ZNF790: variants seen among roughly 807,000 people sequenced by gnomAD.
ZNF790 encodes the protein zinc finger protein 790.
Under a neutral mutation model 12.1 loss-of-function variants are expected in ZNF790, and 8 were observed. The observed-to-expected ratio is 0.66, with a 90% CI of 0.39 to 1.19. The LOEUF (loss-of-function observed/expected upper bound fraction) is 1.19. ZNF790 is among the 50% of genes most tolerant of loss of function. The pLI, the probability that ZNF790 is intolerant of heterozygous loss-of-function variation, is 0.01. For missense variants in ZNF790, 707 were observed against 752.2 expected, an observed-to-expected ratio of 0.94 and a Z score of 0.70; for synonymous variants, 252 against 244.3, an observed-to-expected ratio of 1.03 and a Z score of -0.29.
chr19:36,828,139 G>A (rs1001720719), intron 1 of ZNF790: 1 of 152,040 alleles, frequency 6.6e-6, no homozygotes. Flanking sequence ...ATTATTACAC[G>A]GTTTTAAGAA....
intron 2 of ZNF790, among the ~76,000 whole-genome samples, chr19:36,824,121 C>T (rs2071742994): frequency 1.3e-5 from 2 of 151,100 alleles, no homozygotes; most frequent in African/African-American, 4.9e-5. Flanking sequence ...CTCAGCCTCC[C>T]AAGTAGCTGG....
chr19:36,820,522 C>G (rs1038411554), intron 4 of ZNF790, among the ~76,000 whole-genome samples: 3 of 152,120 alleles, frequency 2.0e-5, no homozygotes, highest in African/African-American at 7.2e-5. Context: ...TAATCTGATC[C>G]AGAGTTACCA....
chr19:36,850,617 G>T (rs1258406210), upstream of ZNF790: 1 of 152,258 alleles, frequency 6.6e-6, no homozygotes, highest in East Asian at 1.9e-4. Flanking sequence ...CAAGCAAAAA[G>T]GGCTCAGAGG....
chr19:36,846,367 C>A (rs1465221399), intron 1 of ZNF790, among the ~76,000 whole-genome samples: 2 of 151,958 alleles, frequency 1.3e-5, no homozygotes, highest in African/African-American at 4.8e-5. Context: ...GAGATCGAGA[C>A]CATCCTGGCT....
At chr19:36,840,389 C>T (rs749417872), upstream of ZNF790, among the ~76,000 whole-genome samples, 1 of 152,126 alleles carries the variant, frequency 6.6e-6, no homozygotes, top group Non-Finnish European at 1.5e-5. Flanking sequence ...GTGCACACTG[C>T]GAAGGGTTCT....
chr19:36,832,160 T>C (rs1433763221), intron 1 of ZNF790, among the ~76,000 whole-genome samples: 2 of 152,226 alleles, frequency 1.3e-5, no homozygotes, highest in South Asian at 2.1e-4. Flanking sequence ...AAGAAGCTAC[T>C]AGAAGACATA....
intron 1 of ZNF790, among the ~76,000 whole-genome samples, chr19:36,845,047 CAAAAAAAAAAAA>C (rs10611049): frequency 8.6e-5 from 3 of 34,918 alleles, no homozygotes; most frequent in Non-Finnish European, 1.5e-4. Flanking sequence ...GACTCCGTCT[CAAAAAAAAAAAA>C]AAAAAAAAAA....
intron 4 of ZNF790, among the ~76,000 whole-genome samples, chr19:36,821,965 C>G (rs990008463): frequency 1.3e-5 from 2 of 152,188 alleles, no homozygotes; most frequent in African/African-American, 4.8e-5. Flanking sequence ...TTCCTCCTCA[C>G]TGTGACCAGA....
At chr19:36,849,580 T>G (rs2072221121) in intron 1 of ZNF790, among the ~76,000 whole-genome samples, 1 of 152,096 alleles carries the variant, frequency 6.6e-6, no homozygotes, top group Admixed American at 6.6e-5. Flanking sequence ...GTCTGAATGT[T>G]AAATGTTTAC....
At chr19:36,843,314 G>A (rs186998918), upstream of ZNF790, among the ~76,000 whole-genome samples, 69 of 152,316 alleles carry the variant, frequency 4.5e-4, no homozygotes, top group Non-Finnish European at 6.3e-4. Context: ...TGGGTCAGGA[G>A]GCTCAGGAAC....
rs1256890557 is a variant in ZNF790 at position 36,820,015 on chromosome 19, T to G, written c.329A>C (p.His110Pro). 6.2e-7 allele frequency: 1 copy of G among 1,613,934 alleles called. No homozygotes were observed. Among genetic ancestry groups the G allele is most frequent in the Admixed American group, 1.7e-5 (1 of 60,024 alleles). Residue 110 changes from histidine to proline, a missense_variant, in exon 5 of 5, where the codon CAC becomes CCC. Physicochemically the swap from His to Pro is moderately conservative, Grantham distance 77 (BLOSUM62 -2). Transcript: ENST00000356725. ...QLEIMRICKN[H>P]SLDCLCFRGD... ...TCTAAAACATAAACAGTCAAGGCTG[T>G]GGTTTTTACAAATTCTCATTATTTC...
intron 1 of ZNF790, among the ~76,000 whole-genome samples, chr19:36,829,183 C>G (rs1332574447): frequency 3.3e-5 from 5 of 152,060 alleles, no homozygotes; most frequent in African/African-American, 1.2e-4. Context: ...TTCAATGGTT[C>G]TTAGTATATT....
intron 1 of ZNF790, among the ~76,000 whole-genome samples, chr19:36,827,143 T>C (rs200315809): frequency 0.48 from 20,627 of 43,038 alleles, 2,780 homozygotes; most frequent in Non-Finnish European, 0.54. Context: ...CACACACACA[T>C]ATATATATAT....
chr19:36,820,082 A>C lies in ZNF790; in HGVS notation c.262T>G (p.Leu88Val). The change falls in exon 5 of 5, where the codon TTA becomes GTA. Residue 88 changes from leucine to valine, a missense_variant. Coordinates refer to ENST00000356725, the MANE Select transcript of ZNF790 (RefSeq NM_206894.4). ...CTCTCAAAAATGCCATTTTTTGGTA[A>C]TAACTTCTTGGTCTGACACCTCGAC... ...MQSRCQTKKL[L>V]PKNGIFEREI... is the part of the protein sequence containing the mutation. The C allele has an allele frequency of 6.2e-7, 1 of 1,607,500 alleles. No homozygotes were observed.
intron 1 of ZNF790, among the ~76,000 whole-genome samples, chr19:36,844,787 G>A (rs2072161759): frequency 6.6e-6 from 1 of 151,952 alleles, no homozygotes; most frequent in African/African-American, 2.4e-5. Flanking sequence ...GGTGGCTCAC[G>A]CCTGTAATCC....
At chr19:36,834,800 A>G (rs1465285567) in intron 1 of ZNF790, among the ~76,000 whole-genome samples, 2 of 152,220 alleles carry the variant, frequency 1.3e-5, no homozygotes, top group Admixed American at 6.5e-5. Context: ...TTGTCTGTAT[A>G]TATGATAAAC....
chr19:36,827,068 T>TG (rs2071822083), intron 1 of ZNF790, among the ~76,000 whole-genome samples: 2 of 145,596 alleles, frequency 1.4e-5, no homozygotes, highest in Non-Finnish European at 3.0e-5. Flanking sequence ...TATATGTGTG[T>TG]TGTGTGTGTA....
chr19:36,823,423 A>C (rs1457526025), intron 3 of ZNF790, 43 bp from the exon 4 acceptor site: 1 of 1,577,784 alleles, frequency 6.3e-7, no homozygotes, highest in Non-Finnish European at 8.6e-7. Context: ...CATTGTAAAG[A>C]TTCTAAAATT....
At chr19:36,826,632 ATAT>A (rs1243886921) in intron 1 of ZNF790, among the ~76,000 whole-genome samples, 3 of 147,348 alleles carry the variant, frequency 2.0e-5, no homozygotes, top group Non-Finnish European at 4.5e-5. Context: ...ATAATTATAT[ATAT>A]AATAAAAATT....
Sources: allele counts gnomAD v4.1 joint callset (sites outside exome capture counted in the v4.1 genomes callset), GRCh38; gene constraint gnomAD v4.1.1; transcripts MANE v1.5; gene names NCBI Gene and HGNC (gene_info 2026-07-23, HGNC 2026-07-21).